The following KCNMB2 variants were observed in gnomAD, a reference collection of about 807,000 sequenced individuals.
KCNMB2 encodes the protein potassium calcium-activated channel subfamily M regulatory beta subunit 2, also known as calcium-activated potassium channel subunit beta-2.
KCNMB2 carries 9 observed loss-of-function variants against 24.5 expected under a neutral mutation model. The observed-to-expected ratio is 0.37, with a 90% CI of 0.22 to 0.64. KCNMB2 has a LOEUF of 0.64. Ranked by LOEUF, KCNMB2 falls within the 30% of genes least tolerant of loss-of-function variation. The pLI is 0.63. For missense variants in KCNMB2, 226 were observed against 284.3 expected, an observed-to-expected ratio of 0.79 and a Z score of 1.47; for synonymous variants, 109 against 104.4, an observed-to-expected ratio of 1.04 and a Z score of -0.27.
intron 1 of KCNMB2, among the ~76,000 whole-genome samples, chr3:178,611,769 CATTTT>C (rs1395088007): frequency 1.3e-5 from 2 of 152,002 alleles, no homozygotes; most frequent in East Asian, 3.9e-4. Context: ...ATATTTTCTT[CATTTT>C]ATTTATTTTT....
At chr3:178,617,995 A>C (rs1167992857) in intron 1 of KCNMB2, among the ~76,000 whole-genome samples, 1 of 151,884 alleles carries the variant, frequency 6.6e-6, no homozygotes, top group African/African-American at 2.4e-5. Context: ...ATAGACAAAA[A>C]TCATATGCAG....
intron 1 of KCNMB2, among the ~76,000 whole-genome samples, chr3:178,763,905 C>T (rs927790996): frequency 3.3e-5 from 5 of 152,098 alleles, no homozygotes; most frequent in African/African-American, 1.2e-4. Flanking sequence ...TTAACATTCA[C>T]AGGATTTTTG....
chr3:178,608,697 A>T (rs1012154363), intron 1 of KCNMB2, among the ~76,000 whole-genome samples: 13 of 151,488 alleles, frequency 8.6e-5, no homozygotes, highest in Non-Finnish European at 1.9e-4. Context: ...CCTGGGAACC[A>T]CTCTTCTACT....
chr3:178,714,626 A>G (rs1257514666), intron 1 of KCNMB2, among the ~76,000 whole-genome samples: 3 of 152,222 alleles, frequency 2.0e-5, no homozygotes, highest in Non-Finnish European at 4.4e-5. Context: ...CAGTTTGGAA[A>G]GATAGGTTGC....
At chr3:178,698,625 C>T (rs1205844575) in intron 1 of KCNMB2, among the ~76,000 whole-genome samples, 2 of 152,198 alleles carry the variant, frequency 1.3e-5, no homozygotes, top group Non-Finnish European at 2.9e-5. Context: ...GTCATTTCAG[C>T]CATCTTAGCT....
At chr3:178,742,911 A>C (rs1435697320) in intron 1 of KCNMB2, among the ~76,000 whole-genome samples, 1 of 152,150 alleles carries the variant, frequency 6.6e-6, no homozygotes, top group Non-Finnish European at 1.5e-5. Context: ...GGTAAACATC[A>C]CTAGGGCCTT....
chr3:178,801,235 C>T (rs951447303), intron 1 of KCNMB2, among the ~76,000 whole-genome samples: 11 of 151,782 alleles, frequency 7.2e-5, no homozygotes, highest in Admixed American at 2.0e-4. Flanking sequence ...TGATGGATAC[C>T]GCATTTACTC....
chr3:178,618,089 T>C (rs1718780288), intron 1 of KCNMB2, among the ~76,000 whole-genome samples: 1 of 152,076 alleles, frequency 6.6e-6, no homozygotes, highest in Admixed American at 6.5e-5. Context: ...TTATTTCCTA[T>C]AGGCAGTATA....
At chr3:178,794,803 T>C (rs1296423529) in intron 1 of KCNMB2, among the ~76,000 whole-genome samples, 1 of 152,082 alleles carries the variant, frequency 6.6e-6, no homozygotes, top group Non-Finnish European at 1.5e-5. Flanking sequence ...TCACCACAGC[T>C]CTGTGAAGAG....
At chr3:178,783,925 G>C (rs112500803) in intron 1 of KCNMB2, among the ~76,000 whole-genome samples, 1 of 152,168 alleles carries the variant, frequency 6.6e-6, no homozygotes, top group Non-Finnish European at 1.5e-5. Context: ...TATTGGCTGT[G>C]GGTTTGTCGT....
intron 1 of KCNMB2, among the ~76,000 whole-genome samples, chr3:178,764,233 A>C (rs1712027302): frequency 6.6e-6 from 1 of 152,210 alleles, no homozygotes; most frequent in African/African-American, 2.4e-5. Context: ...TGGCACACTG[A>C]GTTATAAACT....
intron 1 of KCNMB2, among the ~76,000 whole-genome samples, chr3:178,635,400 C>T (rs901978726): frequency 7.1e-6 from 1 of 140,718 alleles, no homozygotes; most frequent in Non-Finnish European, 1.5e-5. Context: ...TACACAGGTG[C>T]TTATGCATAC....
chr3:178,560,156 A>G (rs1056267785), intron 1 of KCNMB2, among the ~76,000 whole-genome samples: 3 of 151,116 alleles, frequency 2.0e-5, no homozygotes, highest in Admixed American at 1.3e-4. Context: ...GTAATTAGTC[A>G]GTTCATTTGA....
chr3:178,815,287 C>A (rs1390992299), intron 2 of KCNMB2, among the ~76,000 whole-genome samples: 1 of 151,952 alleles, frequency 6.6e-6, no homozygotes, highest in Non-Finnish European at 1.5e-5. Flanking sequence ...TACGGGCATG[C>A]ACCACTACGC....
intron 2 of KCNMB2, among the ~76,000 whole-genome samples, chr3:178,818,518 T>TG (rs1282824234): frequency 6.6e-6 from 1 of 152,196 alleles, no homozygotes; most frequent in African/African-American, 2.4e-5. Context: ...AGTGAGAACA[T>TG]GCGGTGTTTG....
intron 1 of KCNMB2, among the ~76,000 whole-genome samples, chr3:178,688,585 T>C (rs1452545011): frequency 6.6e-6 from 1 of 152,188 alleles, no homozygotes; most frequent in East Asian, 1.9e-4. Flanking sequence ...GGAAGATACA[T>C]ATCCCAGAGG....
intron 1 of KCNMB2, among the ~76,000 whole-genome samples, chr3:178,752,721 A>G (rs147497729): frequency 3.9e-5 from 6 of 152,318 alleles, no homozygotes; most frequent in African/African-American, 1.4e-4. Flanking sequence ...AAGAGAGGGA[A>G]TATCTTTCAA....
chr3:178,812,783 T>C (rs535626339), intron 2 of KCNMB2, among the ~76,000 whole-genome samples: 2 of 152,238 alleles, frequency 1.3e-5, no homozygotes, highest in East Asian at 3.9e-4. Context: ...GAATCTCTAT[T>C]CTGTTCTAGC....
At chr3:178,699,046 A>G (rs974136869) in intron 1 of KCNMB2, among the ~76,000 whole-genome samples, 3 of 152,266 alleles carry the variant, frequency 2.0e-5, no homozygotes, top group Non-Finnish European at 4.4e-5. Context: ...GCTGCCTGCC[A>G]TCCTGTGGGC....
Sources: allele counts gnomAD v4.1 joint callset (sites outside exome capture counted in the v4.1 genomes callset), GRCh38; gene constraint gnomAD v4.1.1; transcripts MANE v1.5; gene names NCBI Gene and HGNC (gene_info 2026-07-23, HGNC 2026-07-21).